ATP10A: variants seen among roughly 807,000 people sequenced by gnomAD.
ATP10A encodes ATPase phospholipid transporting 10A (putative).
Under a neutral mutation model 147.8 loss-of-function variants are expected in ATP10A, and 111 were observed. The ratio of observed to expected loss-of-function variants is 0.75; its 90% CI spans 0.64 to 0.88. The LOEUF (loss-of-function observed/expected upper bound fraction) is 0.88, where lower values mean the gene tolerates loss of function less well. Ranked by LOEUF, ATP10A falls within the 40% of genes least tolerant of loss-of-function variation. The pLI is 0.00. For missense variants in ATP10A, 1,927 were observed against 1,959.0 expected, an observed-to-expected ratio of 0.98 and a Z score of 0.31; for synonymous variants, 875 against 841.6, an observed-to-expected ratio of 1.04 and a Z score of -0.69.
At chr15:25,774,992 G>A (rs1362693643) in intron 2 of ATP10A, among the ~76,000 whole-genome samples, 1 of 152,104 alleles carries the variant, frequency 6.6e-6, no homozygotes, top group Non-Finnish European at 1.5e-5. Flanking sequence ...GAATGTATAA[G>A]AGAAAAACAT....
chr15:25,831,508 C>G (rs1347639786), intron 1 of ATP10A, among the ~76,000 whole-genome samples: 1 of 152,214 alleles, frequency 6.6e-6, no homozygotes, highest in East Asian at 1.9e-4. Context: ...ATGACTGCCA[C>G]TGACTTAGCA....
intron 1 of ATP10A, among the ~76,000 whole-genome samples, chr15:25,815,200 A>G (rs1161860771): frequency 6.6e-6 from 1 of 152,126 alleles, no homozygotes; most frequent in African/African-American, 2.4e-5. Context: ...CAAAACCACA[A>G]ATAAATGCCT....
intron 1 of ATP10A, among the ~76,000 whole-genome samples, chr15:25,798,642 G>A (rs1358452345): frequency 6.6e-6 from 1 of 152,252 alleles, no homozygotes; most frequent in Non-Finnish European, 1.5e-5. Context: ...AGTCCACAGA[G>A]AAGGCACGCT....
At chr15:25,744,170 C>G (rs1458689074) in intron 2 of ATP10A, among the ~76,000 whole-genome samples, 1 of 152,118 alleles carries the variant, frequency 6.6e-6, no homozygotes, top group Non-Finnish European at 1.5e-5. Context: ...TCAAACACAT[C>G]CAGAACACTG....
chr15:25,740,764 C>T (rs1018569906), intron 2 of ATP10A, among the ~76,000 whole-genome samples: 1 of 152,210 alleles, frequency 6.6e-6, no homozygotes, highest in Admixed American at 6.5e-5. Context: ...ACTGAATGAT[C>T]CCCGTCTGAT....
rs560886750 is a variant in ATP10A, at chr15:25,820,354, AG to A, written c.450-39132del. On this transcript the variant is annotated intron_variant, in intron 1 of 20. Coordinates refer to ENST00000555815, the MANE Select transcript of ATP10A (RefSeq NM_024490.4). The stretch of plus-strand genomic sequence containing the variant: ...ACAGAATGTCTATGGAGAAAATGGC[AG>A]TACTTTCTGAAAGACTTAAAAAGGA... 1.5e-3 allele frequency among the ~76,000 whole-genome samples: 225 copies of A among 152,342 alleles called. 1 individual carries two copies. Among genetic ancestry groups the A allele is most frequent in the African/African-American group, 5.0e-3 (210 of 41,594 alleles).
intron 2 of ATP10A, among the ~76,000 whole-genome samples, chr15:25,747,419 A>G (rs1437031392): frequency 1.3e-5 from 2 of 152,064 alleles, no homozygotes; most frequent in African/African-American, 4.8e-5. Context: ...GGAGAAATTA[A>G]TGAGCTAGGC....
At chr15:25,735,003 CGGGGGGGG>C (rs774115891) in intron 3 of ATP10A, among the ~76,000 whole-genome samples, 2 of 131,980 alleles carry the variant, frequency 1.5e-5, no homozygotes, top group Non-Finnish European at 3.3e-5. Flanking sequence ...GTGGTGGGAG[CGGGGGGGG>C]GGTGGGGGGG....
downstream of ATP10A, among the ~76,000 whole-genome samples, chr15:25,674,569 T>C (rs1024995203): frequency 6.6e-6 from 1 of 152,222 alleles, no homozygotes; most frequent in Admixed American, 6.5e-5. Flanking sequence ...ACTTCACAGC[T>C]TCATTCTGAA....
chr15:25,706,455 G>A (rs12899697), intron 12 of ATP10A, among the ~76,000 whole-genome samples: 75,986 of 151,666 alleles, frequency 0.5, 19,163 homozygotes, highest in Admixed American at 0.58. Context: ...ACCACAGAGC[G>A]GAACTTGGAT....
At chr15:25,711,160 G>A (rs2140380070) in intron 10 of ATP10A, among the ~76,000 whole-genome samples, 1 of 152,134 alleles carries the variant, frequency 6.6e-6, no homozygotes, top group South Asian at 2.1e-4. Flanking sequence ...GTGAGCCATG[G>A]CCCCATCCTG....
rs150499946 is a variant in ATP10A at position 25,680,856 on chromosome 15, G to A, written c.3632C>T (p.Ala1211Val). The A allele has an allele frequency of 1.3e-4, 212 of 1,613,906 alleles. No individual in the cohort carries two copies. The highest frequency in any genetic ancestry group is 1.7e-4 in the Middle Eastern group (1 of 6,002). The stretch of plus-strand genomic sequence containing the variant: ...CAGGTGGAGCAGGAAAGTGAGCAGC[G>A]CGATTGTCACAATAGGGGTCCCCCA... ...FTWGTPIVTI[A>V]LLTFLLHLGI... Residue 1211 changes from alanine to valine, a missense_variant, in exon 19 of 21, where the codon GCG (alanine) becomes GTG (valine). Physicochemically the swap from Ala to Val is moderately conservative, Grantham distance 64 (BLOSUM62 0). Transcript: ENST00000555815.
At chr15:25,716,166 GCCCAGGCGGGCAC>G (rs1177425534) in intron 9 of ATP10A, among the ~76,000 whole-genome samples, 1 of 152,206 alleles carries the variant, frequency 6.6e-6, no homozygotes, top group African/African-American at 2.4e-5. Flanking sequence ...TGGCCCCACG[GCCCAGGCGGGCAC>G]CCCAGGCACA....
chr15:25,701,833 G>T, intron 13 of ATP10A, 83 bp downstream of exon 13: 1 of 1,326,498 alleles, frequency 7.5e-7, no homozygotes. Context: ...CAGCTGCCAG[G>T]AATGTGAGTG....
chr15:25,810,811 A>T (rs1891395825), intron 1 of ATP10A, among the ~76,000 whole-genome samples: 2 of 152,156 alleles, frequency 1.3e-5, no homozygotes, highest in South Asian at 4.1e-4. Flanking sequence ...ACTCATTTTC[A>T]GAGCCAGGAA....
chr15:25,816,856 C>A (rs928975976), intron 1 of ATP10A, among the ~76,000 whole-genome samples: 6 of 152,078 alleles, frequency 3.9e-5, no homozygotes, highest in Non-Finnish European at 7.4e-5. Flanking sequence ...AAAGAAAAAT[C>A]TGGCATAAAA....
intron 1 of ATP10A, among the ~76,000 whole-genome samples, chr15:25,819,836 T>C (rs570678884): frequency 1.3e-5 from 2 of 152,280 alleles, no homozygotes; most frequent in African/African-American, 4.8e-5. Context: ...GAAAGTCAGA[T>C]ACCACATATT....
chr15:25,855,736 A>G (rs1364072662), intron 1 of ATP10A, among the ~76,000 whole-genome samples: 1 of 152,200 alleles, frequency 6.6e-6, no homozygotes, highest in Non-Finnish European at 1.5e-5. Context: ...TAAGGTATCA[A>G]GTTGAAAGGG....
rs1023299009 is a variant in ATP10A at position 25,708,447 on chromosome 15, T to A, written c.2345-147A>T. Reference sequence around the variant, plus strand: ...AGAATTCAAAGCAAAAATGAGCTGTTATGTTTTAAAAAAGAGTCTCATCAA... The same window carrying A: ...AGAATTCAAAGCAAAAATGAGCTGTAATGTTTTAAAAAAGAGTCTCATCAA... On this transcript the variant is annotated intron_variant, in intron 10 of 20. Coordinates refer to ENST00000555815, the MANE Select transcript of ATP10A (RefSeq NM_024490.4). 7 of 649,274 alleles carry A rather than the reference T, an allele frequency of 1.1e-5. No homozygotes were observed. In the Admixed American group the frequency reaches 1.9e-4, roughly 17 times the overall value. The allele number at this position is 649,274 out of a possible 1,614,324, so 40.2% of individuals were successfully genotyped here. A position where few individuals can be genotyped will look rare whatever the true frequency, so the allele number is the denominator to read the frequency against.
Sources: allele counts gnomAD v4.1 joint callset (sites outside exome capture counted in the v4.1 genomes callset), GRCh38; gene constraint gnomAD v4.1.1; transcripts MANE v1.5; gene names NCBI Gene and HGNC (gene_info 2026-07-23, HGNC 2026-07-21).